The following HADH variants were observed in gnomAD, a reference collection of about 807,000 sequenced individuals.
HADH encodes hydroxyacyl-CoA dehydrogenase.
In HADH, 24 loss-of-function variants were observed where a neutral mutation model predicts 32.2. The ratio of observed to expected loss-of-function variants is 0.75; its 90% CI spans 0.54 to 1.05. The LOEUF (loss-of-function observed/expected upper bound fraction) is 1.05, where lower values mean the gene tolerates loss of function less well. Among genes scored for constraint, HADH ranks in the 50% least tolerant of loss-of-function variants. The pLI is 0.00. For missense variants in HADH, 350 were observed against 397.1 expected, an observed-to-expected ratio of 0.88 and a Z score of 1.01; for synonymous variants, 139 against 152.5, an observed-to-expected ratio of 0.91 and a Z score of 0.65.
chr4:108,034,825 T>C lies in HADH; in HGVS notation c.*468T>C, dbSNP rs1244582581. The C allele has an allele frequency of 2.2e-5, 6 of 271,436 alleles. No individual in the cohort carries two copies. In the East Asian group the frequency reaches 5.4e-4, roughly 24 times the overall value. The allele number at this position is 271,436 out of a possible 1,614,324, so 16.8% of individuals were successfully genotyped here. A position where few individuals can be genotyped will look rare whatever the true frequency, so the allele number is the denominator to read the frequency against. ...CTGGATCTTGCCTTTATAAGAACAT[T>C]TTACTACCTGCAGCTTTGAGTCTTG... On this transcript the variant is annotated 3_prime_UTR_variant, in exon 8 of 8. Coordinates refer to ENST00000309522, the MANE Select transcript of HADH (RefSeq NM_005327.7).
intron 1 of HADH, among the ~76,000 whole-genome samples, chr4:107,992,494 G>T (rs1469554201): frequency 6.6e-6 from 1 of 152,196 alleles, no homozygotes; most frequent in East Asian, 1.9e-4. Context: ...TTTTGGCATA[G>T]GGTAAATCTG....
intron 1 of HADH, among the ~76,000 whole-genome samples, chr4:108,006,004 G>A (rs1219553796): frequency 6.6e-6 from 1 of 152,200 alleles, no homozygotes; most frequent in Non-Finnish European, 1.5e-5. Flanking sequence ...AGAGGTCAAG[G>A]CTAGAAAAGT....
chr4:108,032,546 G>C, intron 6 of HADH: 1 of 516,484 alleles, frequency 1.9e-6, no homozygotes, highest in Admixed American at 2.9e-5. Context: ...ATATGCTGTA[G>C]CATTAAATTA....
chr4:108,030,225 ACTC>A (rs938498487), intron 6 of HADH: 1 of 151,176 alleles, frequency 6.6e-6, no homozygotes. Context: ...ACCGCCAACT[ACTC>A]CTGCCATTCC....
chr4:108,019,732 GT>G (rs1435487494), intron 4 of HADH, 66 bp downstream of exon 4: 4 of 1,593,482 alleles, frequency 2.5e-6, no homozygotes, highest in Non-Finnish European at 8.6e-7. Flanking sequence ...GCTTTTCTGT[GT>G]TACACCAGCC....
At chr4:108,009,950 A>G in intron 2 of HADH, 63 bp downstream of exon 2, 1 of 1,051,448 alleles carries the variant, frequency 9.5e-7, no homozygotes, top group Non-Finnish European at 1.4e-6. Flanking sequence ...TTGCAGGGCA[A>G]TGGGGGATTT....
chr4:108,008,410 A>G (rs1333792025), intron 1 of HADH, among the ~76,000 whole-genome samples: 1 of 152,248 alleles, frequency 6.6e-6, no homozygotes, highest in Non-Finnish European at 1.5e-5. Context: ...TCAGGGAGCC[A>G]TGAGTGCAGT....
chr4:108,014,052 C>T (rs1171469698), intron 2 of HADH, among the ~76,000 whole-genome samples: 1 of 152,112 alleles, frequency 6.6e-6, no homozygotes, highest in Non-Finnish European at 1.5e-5. Context: ...AATGAGGAAA[C>T]GATGAAAACT....
chr4:108,018,438 T>C (rs1560733200), intron 3 of HADH, among the ~76,000 whole-genome samples: 1 of 152,150 alleles, frequency 6.6e-6, no homozygotes, highest in Non-Finnish European at 1.5e-5. Flanking sequence ...CATTTTTTTT[T>C]TAAAAAGGAA....
At chr4:108,032,815 C>G (rs1736320773) in intron 6 of HADH, 1 of 344,824 alleles carries the variant, frequency 2.9e-6, no homozygotes, top group East Asian at 7.1e-5. Context: ...AACCCTATCT[C>G]TACTAAAAAT....
At chr4:108,015,245 C>T (rs1163363968) in intron 3 of HADH, among the ~76,000 whole-genome samples, 3 of 152,184 alleles carry the variant, frequency 2.0e-5, no homozygotes, top group African/African-American at 7.2e-5. Flanking sequence ...TACATTGCCA[C>T]CACCAGCATG....
At chr4:108,013,186 C>T (rs910500531) in intron 2 of HADH, among the ~76,000 whole-genome samples, 2 of 152,242 alleles carry the variant, frequency 1.3e-5, no homozygotes, top group African/African-American at 4.8e-5. Context: ...CTGCCTCGGC[C>T]TCCCGAAGTG....
intron 2 of HADH, among the ~76,000 whole-genome samples, 174 bp downstream of exon 2, chr4:108,010,061 A>G (rs1735436573): frequency 6.6e-6 from 1 of 150,624 alleles, no homozygotes; most frequent in African/African-American, 2.4e-5. Flanking sequence ...ATTACTAAAC[A>G]TTCAGGGGGT....
chr4:107,994,375 A>G (rs1560720748), intron 1 of HADH, among the ~76,000 whole-genome samples: 1 of 152,212 alleles, frequency 6.6e-6, no homozygotes, highest in Non-Finnish European at 1.5e-5. Flanking sequence ...ATGCTTGATA[A>G]GGATTCAGGT....
At chr4:108,013,278 TGTTA>T (rs1360747957) in intron 2 of HADH, among the ~76,000 whole-genome samples, 11 of 152,142 alleles carry the variant, frequency 7.2e-5, no homozygotes, top group Non-Finnish European at 1.5e-4. Flanking sequence ...ATGCAGGGGA[TGTTA>T]TGAGGAGGGT....
intron 3 of HADH, 39 bp downstream of exon 3, chr4:108,014,627 T>A (rs1176319096): frequency 3.3e-6 from 5 of 1,499,128 alleles, no homozygotes; most frequent in Non-Finnish European, 4.6e-6. Flanking sequence ...TTTTTTTTTT[T>A]AACCTTATTT....
intron 2 of HADH, among the ~76,000 whole-genome samples, chr4:108,013,272 A>C (rs1468978101): frequency 1.3e-5 from 2 of 152,148 alleles, no homozygotes; most frequent in Non-Finnish European, 2.9e-5. Context: ...GACCCCATGC[A>C]GGGGATGTTA....
At chr4:108,008,108 C>T (rs188424251) in intron 1 of HADH, among the ~76,000 whole-genome samples, 8 of 152,310 alleles carry the variant, frequency 5.3e-5, no homozygotes, top group Admixed American at 1.3e-4. Context: ...GGCCTTGGTC[C>T]GTTGCCACTT....
At chr4:107,993,448 G>C (rs1472851749) in intron 1 of HADH, among the ~76,000 whole-genome samples, 1 of 152,140 alleles carries the variant, frequency 6.6e-6, no homozygotes, top group Non-Finnish European at 1.5e-5. Context: ...ATTTTCATTA[G>C]CTTAATTTTC....
Sources: allele counts gnomAD v4.1 joint callset (sites outside exome capture counted in the v4.1 genomes callset), GRCh38; gene constraint gnomAD v4.1.1; transcripts MANE v1.5; gene names NCBI Gene and HGNC (gene_info 2026-07-23, HGNC 2026-07-21).